NRXN1: variants seen among roughly 807,000 people sequenced by gnomAD.
NRXN1 encodes neurexin-1.
NRXN1 carries 39 observed loss-of-function variants against 150.9 expected under a neutral mutation model. The ratio of observed to expected loss-of-function variants is 0.26; its 90% confidence interval spans 0.20 to 0.34. The LOEUF is 0.34. NRXN1 is among the 10% of genes least tolerant of loss of function. NRXN1 has a pLI of 1.00. For missense variants in NRXN1, 1,815 were observed against 1,949.9 expected (o/e 0.93, Z 1.30); for synonymous variants, 924 against 757.0 (o/e 1.22, Z -3.62).
chr2:50,656,681 C>T (rs1366269710), intron 5 of NRXN1, among the ~76,000 whole-genome samples: 1 of 151,776 alleles, frequency 6.6e-6, no homozygotes, highest in Non-Finnish European at 1.5e-5. Context: ...AGCTACTTCA[C>T]AGCCCTCATG....
chr2:50,990,904 C>A lies in NRXN1; in HGVS notation c.772+36598G>T, dbSNP rs117903610. 7.7e-4 allele frequency among the ~76,000 whole-genome samples: 117 copies of A among 152,042 alleles called. 1 individual carries two copies. The East Asian group carries it at 0.021, about 27-fold the overall frequency. On this transcript the variant is annotated intron_variant, in intron 2 of 22. Coordinates refer to ENST00000401669, the MANE Select transcript of NRXN1 (RefSeq NM_001330078.2). ...CTGGGATAAGTAACAACAGACAGAG[C>A]AAAGAATAAAAGGAAAACAAGCACT...
intron 21 of NRXN1, among the ~76,000 whole-genome samples, chr2:50,024,791 T>A (rs1045188607): frequency 2.6e-5 from 4 of 152,010 alleles, no homozygotes; most frequent in Admixed American, 6.6e-5. Flanking sequence ...CTTCTTGAAT[T>A]TTTTTTAGTA....
At chr2:51,018,849 C>T (rs1249511785) in intron 2 of NRXN1, among the ~76,000 whole-genome samples, 1 of 151,932 alleles carries the variant, frequency 6.6e-6, no homozygotes, top group Admixed American at 6.6e-5. Flanking sequence ...TATTTAGTTG[C>T]AATATTTTGG....
At chr2:50,570,311 G>A (rs942536202) in intron 8 of NRXN1, among the ~76,000 whole-genome samples, 4 of 152,110 alleles carry the variant, frequency 2.6e-5, no homozygotes, top group Admixed American at 2.0e-4. Context: ...TAAAGTATAC[G>A]AGGCCTTTAT....
At chr2:50,702,416 A>G (rs1205173570) in intron 5 of NRXN1, among the ~76,000 whole-genome samples, 1 of 152,122 alleles carries the variant, frequency 6.6e-6, no homozygotes, top group East Asian at 1.9e-4. Flanking sequence ...ACAGAAGAGA[A>G]AGCATATCTG....
intron 5 of NRXN1, among the ~76,000 whole-genome samples, chr2:50,891,618 T>A (rs554642068): frequency 1.3e-5 from 2 of 152,174 alleles, no homozygotes; most frequent in East Asian, 3.9e-4. Flanking sequence ...AGATTACTGC[T>A]TTAATAAAAT....
At chr2:50,222,193 T>G (rs1197378820) in intron 18 of NRXN1, among the ~76,000 whole-genome samples, 4 of 152,046 alleles carry the variant, frequency 2.6e-5, no homozygotes, top group African/African-American at 9.7e-5. Context: ...AAGAGCCGCA[T>G]GCTTCATGAA....
chr2:50,476,317 A>G lies in NRXN1; in HGVS notation c.3071-3846T>C, dbSNP rs182826472. Among the ~76,000 whole-genome samples, 22 of 152,260 alleles carry G rather than the reference A, an allele frequency of 1.4e-4. No individual in the cohort carries two copies. The East Asian group carries it at 4.3e-3, about 29-fold the overall frequency. On this transcript the variant is annotated intron_variant, in intron 15 of 22. Coordinates refer to ENST00000401669, the MANE Select transcript of NRXN1 (RefSeq NM_001330078.2). ...ATCCATTCCGCAGTAATTGAGCAGT[A>G]ATGACTAGGGAATAGGGCACAGGCA...
chr2:50,417,580 C>A (rs570244741), intron 17 of NRXN1, among the ~76,000 whole-genome samples: 1 of 151,830 alleles, frequency 6.6e-6, no homozygotes, highest in African/African-American at 2.4e-5. Context: ...GTCCAGAAGA[C>A]AAATTCCAAG....
At chr2:50,144,345 G>T (rs1028674167) in intron 18 of NRXN1, among the ~76,000 whole-genome samples, 11 of 151,550 alleles carry the variant, frequency 7.3e-5, no homozygotes, top group African/African-American at 2.7e-4. Flanking sequence ...CTGAATTTTT[G>T]CACCTTTATT....
At position 50,347,981 on chromosome 2, in the gene NRXN1, T is replaced by C. The variant is rs1290996408; in HGVS notation, c.3365-111011A>G. Reference sequence around the variant, plus strand: ...GAAACGGGAACACCTAAAAAGCAACTCTCCCTCCACCAGGTGATCCCTCCA... The same window carrying C: ...GAAACGGGAACACCTAAAAAGCAACCCTCCCTCCACCAGGTGATCCCTCCA... On this transcript the variant is annotated intron_variant, in intron 17 of 22. Coordinates refer to ENST00000401669, the MANE Select transcript of NRXN1 (RefSeq NM_001330078.2). This position sits in a 1 kb window ranked among gnomAD's most constrained non-coding sequence, Gnocchi z 4.9. 6.6e-6 allele frequency among the ~76,000 whole-genome samples: 1 copy of C among 151,902 alleles called. No homozygotes were observed. Among genetic ancestry groups the C allele is most frequent in the Non-Finnish European group, 1.5e-5 (1 of 67,976 alleles).
chr2:50,984,993 C>T (rs1697460410), intron 2 of NRXN1, among the ~76,000 whole-genome samples: 1 of 152,032 alleles, frequency 6.6e-6, no homozygotes, highest in African/African-American at 2.4e-5. Context: ...GCAGATTCAA[C>T]ATTTGTTAGT....
At chr2:50,001,244 T>C (rs1683868227) in intron 21 of NRXN1, among the ~76,000 whole-genome samples, 1 of 152,100 alleles carries the variant, frequency 6.6e-6, no homozygotes, top group Non-Finnish European at 1.5e-5. Context: ...AGAGAGGTTA[T>C]AGGATAAATA....
Position 50,901,600 on chromosome 2 carries a change from G to A in NRXN1, c.832+20269C>T, listed in dbSNP as rs151103824. On this transcript the variant is annotated intron_variant, in intron 5 of 22. Transcript: ENST00000401669. ...ATTATGCTTTCAAAGTTCCCCACCTGGCGTTCTGGTACAAAGTTATATACA... is the reference window on the plus strand; with the variant it reads ...ATTATGCTTTCAAAGTTCCCCACCTAGCGTTCTGGTACAAAGTTATATACA... Among the ~76,000 whole-genome samples, 14 of 152,188 alleles carry A rather than the reference G, an allele frequency of 9.2e-5. No individual in the cohort carries two copies. In the East Asian group the frequency reaches 1.9e-3, roughly 21 times the overall value.
Position 50,180,192 on chromosome 2 carries a change from A to T in NRXN1, c.3546+56597T>A, listed in dbSNP as rs1051602091. Among the ~76,000 whole-genome samples, 8 of 146,618 alleles carry T rather than the reference A, an allele frequency of 5.5e-5. No individual in the cohort carries two copies. The South Asian group carries it at 6.5e-4, about 12-fold the overall frequency. On this transcript the variant is annotated intron_variant, in intron 18 of 22. Coordinates refer to ENST00000401669, the MANE Select transcript of NRXN1 (RefSeq NM_001330078.2). The stretch of plus-strand genomic sequence containing the variant: ...CGGTGCCCCCACATCTGGCTAATTT[A>T]AAAAAAAAAATTTGTAGAGACACGG...
chr2:50,663,046 C>A (rs997763023), intron 5 of NRXN1, among the ~76,000 whole-genome samples: 4 of 151,914 alleles, frequency 2.6e-5, no homozygotes, highest in African/African-American at 9.7e-5. Flanking sequence ...AGAAATGATG[C>A]CCAGTAATAA....
chr2:50,108,281 A>G (rs772764340), intron 18 of NRXN1, among the ~76,000 whole-genome samples: 8 of 152,060 alleles, frequency 5.3e-5, no homozygotes, highest in Non-Finnish European at 7.4e-5. Context: ...GTATATTTTA[A>G]TCATAACTCA....
chr2:50,202,636 T>A (rs2062260693), intron 18 of NRXN1, among the ~76,000 whole-genome samples: 1 of 152,200 alleles, frequency 6.6e-6, no homozygotes, highest in Non-Finnish European at 1.5e-5. Flanking sequence ...TACTTTGTTA[T>A]CCTGCCTGAC....
intron 18 of NRXN1, among the ~76,000 whole-genome samples, chr2:50,195,934 G>A (rs1038480900): frequency 2.0e-5 from 3 of 151,830 alleles, no homozygotes; most frequent in Non-Finnish European, 4.4e-5. Context: ...TTCCTTGGAT[G>A]GCCTTTCTTT....
Sources: allele counts gnomAD v4.1 joint callset (sites outside exome capture counted in the v4.1 genomes callset), GRCh38; gene constraint gnomAD v4.1.1; non-coding constraint Gnocchi (gnomAD v3.1); transcripts MANE v1.5; gene names NCBI Gene and HGNC (gene_info 2026-07-23, HGNC 2026-07-21).